DOCK1: variants seen among roughly 807,000 people sequenced by gnomAD.
DOCK1 encodes the protein dedicator of cytokinesis protein 1.
DOCK1 carries 138 observed loss-of-function variants against 262.7 expected under a neutral mutation model. The ratio of observed to expected loss-of-function variants is 0.53; its 90% confidence interval spans 0.46 to 0.61. DOCK1 has a LOEUF of 0.61. Among genes scored for constraint, DOCK1 ranks in the 20% least tolerant of loss-of-function variants. The pLI is 0.00. For missense variants in DOCK1, 1,908 were observed against 2,370.7 expected, an observed-to-expected ratio of 0.80 and a Z score of 4.05; for synonymous variants, 866 against 867.4, an observed-to-expected ratio of 1.00 and a Z score of 0.03.
chr10:127,003,412 T>G (rs2040750416), intron 10 of DOCK1, among the ~76,000 whole-genome samples: 1 of 152,238 alleles, frequency 6.6e-6, no homozygotes, highest in African/African-American at 2.4e-5. Context: ...TAGGCATTTG[T>G]TTTCCTCTGT....
chr10:127,044,198 CTG>C (rs2044194566), intron 21 of DOCK1, among the ~76,000 whole-genome samples: 1 of 152,048 alleles, frequency 6.6e-6, no homozygotes, highest in South Asian at 2.1e-4. Flanking sequence ...TGCAAAATAC[CTG>C]TTTTTCCTCC....
At chr10:127,283,608 T>A (rs1007861172) in intron 29 of DOCK1, among the ~76,000 whole-genome samples, 2 of 152,258 alleles carry the variant, frequency 1.3e-5, no homozygotes, top group Admixed American at 1.3e-4. Flanking sequence ...TTTACATGCA[T>A]ACTTTATTCT....
At chr10:127,450,462 G>A (rs1346131516) in intron 51 of DOCK1, among the ~76,000 whole-genome samples, 1 of 152,076 alleles carries the variant, frequency 6.6e-6, no homozygotes, top group African/African-American at 2.4e-5. Flanking sequence ...TCATTCATTT[G>A]TTTACTTACC....
chr10:127,179,326 G>C (rs749962520), intron 27 of DOCK1, among the ~76,000 whole-genome samples: 1 of 152,192 alleles, frequency 6.6e-6, no homozygotes, highest in African/African-American at 2.4e-5. Context: ...GCTCTTCTCT[G>C]TTTTATAGAG....
chr10:126,948,589 C>T (rs1391316656), intron 1 of DOCK1, among the ~76,000 whole-genome samples: 2 of 151,900 alleles, frequency 1.3e-5, no homozygotes, highest in Admixed American at 6.6e-5. Flanking sequence ...AAACAGGGCC[C>T]TCAAAATGCT....
At chr10:127,334,278 ATTG>A (rs2063105716) in intron 29 of DOCK1, among the ~76,000 whole-genome samples, 1 of 152,338 alleles carries the variant, frequency 6.6e-6, no homozygotes, top group African/African-American at 2.4e-5. Context: ...TAAGACTTTA[ATTG>A]TACAAATGTG....
intron 1 of DOCK1, among the ~76,000 whole-genome samples, chr10:126,934,567 A>T (rs2034422667): frequency 6.6e-6 from 1 of 152,218 alleles, no homozygotes; most frequent in African/African-American, 2.4e-5. Flanking sequence ...CCTGACATGG[A>T]GCCATACATT....
intron 16 of DOCK1, among the ~76,000 whole-genome samples, chr10:127,029,573 G>A (rs963817348): frequency 6.6e-6 from 1 of 152,202 alleles, no homozygotes; most frequent in African/African-American, 2.4e-5. Flanking sequence ...TAGTGGGCTT[G>A]TTGGGTAGGG....
chr10:127,313,039 G>A (rs1325949577), intron 29 of DOCK1, among the ~76,000 whole-genome samples: 2 of 152,124 alleles, frequency 1.3e-5, no homozygotes, highest in African/African-American at 4.8e-5. Flanking sequence ...ACAAACTGAA[G>A]CTCTGGGCTC....
rs1488543680 is a variant in DOCK1 at position 127,052,786 on chromosome 10, C to G, written c.2307C>G (p.Phe769Leu). Residue 769 changes from phenylalanine (F) to leucine (L), a missense_variant, in exon 22 of 52, where the codon TTC becomes TTG. Coordinates refer to ENST00000623213, the MANE Select transcript of DOCK1 (RefSeq NM_001290223.2). ...AAGCGCTAGAATCCATCTTCAAGTT[C>G]ATCGTGCGCTCCAGGATCCTGTTCA... ...AMKALESIFK[F>L]IVRSRILFNQ... 2 of 1,613,790 alleles carry G rather than the reference C, an allele frequency of 1.2e-6. No individual in the cohort carries two copies. Among genetic ancestry groups the G allele is most frequent in the Non-Finnish European group, 1.7e-6 (2 of 1,179,784 alleles).
intron 29 of DOCK1, among the ~76,000 whole-genome samples, chr10:127,308,272 G>A (rs1027067690): frequency 9.8e-5 from 15 of 152,350 alleles, no homozygotes; most frequent in African/African-American, 3.6e-4. Context: ...TCCCTTCAGT[G>A]TGGGGCCTGG....
rs373413868 is a variant in DOCK1, at chr10:127,024,760, C to T, written c.1528C>T (p.Pro510Ser). The change falls in exon 15 of 52, where the codon CCA (proline) becomes TCA (serine). Residue 510 changes from proline (P) to serine (S), a missense_variant. This residue lies in a region of DOCK1 where 294 missense variants were observed against 439.9 expected (regional missense o/e 0.67). Transcript: ENST00000623213. ...TGTGATTTACTACCAAGTAAAGCAG[C>T]CACGCTGGTTTGAGACTGTTAAGGT... ...KSVIYYQVKQ[P>S]RWFETVKVAI... The T allele has an allele frequency of 1.9e-6, 3 of 1,611,052 alleles. No homozygotes were observed. The highest frequency in any genetic ancestry group is 8.5e-7 in the Non-Finnish European group (1 of 1,178,646).
intron 14 of DOCK1, among the ~76,000 whole-genome samples, chr10:127,024,191 T>G (rs867002): frequency 0.4 from 61,010 of 152,002 alleles, 12,500 homozygotes; most frequent in African/African-American, 0.48. Context: ...AGAGAAGCAT[T>G]ATGTCTTTCT....
chr10:127,027,943 G>A (rs1190427595), intron 16 of DOCK1, among the ~76,000 whole-genome samples: 2 of 151,992 alleles, frequency 1.3e-5, no homozygotes, highest in South Asian at 2.1e-4. Flanking sequence ...GCAGAGCTGG[G>A]GTGCCGGCCC....
intron 47 of DOCK1, among the ~76,000 whole-genome samples, chr10:127,432,962 A>G (rs1480895779): frequency 3.9e-5 from 6 of 152,188 alleles, no homozygotes; most frequent in Non-Finnish European, 8.8e-5. Flanking sequence ...GTTACTCTAC[A>G]TTAAACTTTC....
intron 23 of DOCK1, among the ~76,000 whole-genome samples, chr10:127,069,072 C>G (rs184327144): frequency 1.0e-3 from 154 of 152,326 alleles, no homozygotes; most frequent in Admixed American, 2.0e-3. Flanking sequence ...GCTCTAAAGT[C>G]CGATGAAAGT....
At chr10:127,077,337 G>C (rs1344273192) in intron 23 of DOCK1, among the ~76,000 whole-genome samples, 1 of 152,162 alleles carries the variant, frequency 6.6e-6, no homozygotes. Context: ...AGAGGTTGCA[G>C]TCAGCCGAGA....
At chr10:127,441,894 A>G (rs954010482) in intron 49 of DOCK1, among the ~76,000 whole-genome samples, 1 of 152,082 alleles carries the variant, frequency 6.6e-6, no homozygotes, top group Non-Finnish European at 1.5e-5. Context: ...GCATCTCAGC[A>G]GTCCAGCCTC....
rs770366582 is a variant in DOCK1, at chr10:127,000,155, G to T, written c.850-17G>T. On this transcript the variant is annotated splice_polypyrimidine_tract_variant and intron_variant, in intron 9 of 51. Transcript: ENST00000623213. ...TAATGGGTCTCCAAAATAATTTATG[G>T]AAACTAATATTTCTAGGACCTCGGA... is the stretch of plus-strand genomic sequence containing the variant. 1 of 1,612,278 alleles carries T rather than the reference G, an allele frequency of 6.2e-7. No homozygotes were observed. The highest frequency in any genetic ancestry group is 1.1e-5 in the South Asian group (1 of 90,890).
Sources: gnomAD v4.1 joint callset for allele counts (sites outside exome capture counted in the v4.1 genomes callset) on GRCh38, gnomAD v4.1.1 for gene constraint, gnomAD v4.1.1 regional missense constraint, MANE v1.5 for transcripts, NCBI Gene and HGNC (gene_info 2026-07-23, HGNC 2026-07-21) for gene names.